Variants in PALS1 observed in about 807,000 individuals in gnomAD.
PALS1 encodes protein PALS1.
In PALS1, 31 loss-of-function variants were observed where a neutral mutation model predicts 78.9. That is an observed-to-expected ratio of 0.39 (90% CI 0.30 to 0.53). The LOEUF (loss-of-function observed/expected upper bound fraction) is 0.53, where lower values mean the gene tolerates loss of function less well. Among genes scored for constraint, PALS1 ranks in the 20% least tolerant of loss-of-function variants. PALS1 has a pLI of 0.67. For missense variants in PALS1, 704 were observed against 826.5 expected, an observed-to-expected ratio of 0.85 and a Z score of 1.82; for synonymous variants, 276 against 270.9, an observed-to-expected ratio of 1.02 and a Z score of -0.18.
intron 14 of PALS1, 56 bp from the exon 15 acceptor site, chr14:67,332,724 C>T (rs538951055): frequency 6.5e-7 from 1 of 1,528,874 alleles, no homozygotes; most frequent in African/African-American, 1.4e-5. Context: ...CTGACTCATC[C>T]TATATTATTT....
intron 3 of PALS1, among the ~76,000 whole-genome samples, chr14:67,284,621 A>C (rs2084656887): frequency 6.7e-6 from 1 of 149,196 alleles, no homozygotes; most frequent in African/African-American, 2.5e-5. Flanking sequence ...TATAATTCCA[A>C]AATATGTACC....
At chr14:67,304,721 T>C (rs970967367) in intron 8 of PALS1, among the ~76,000 whole-genome samples, 1 of 152,250 alleles carries the variant, frequency 6.6e-6, no homozygotes, top group African/African-American at 2.4e-5. Context: ...TTTGTGGTGA[T>C]AATTGTACAA....
intron 2 of PALS1, chr14:67,272,121 A>C (rs936311076): frequency 6.6e-6 from 1 of 152,040 alleles, no homozygotes; most frequent in Non-Finnish European, 1.5e-5. Flanking sequence ...CCAGGGGTAA[A>C]TAATTAAATT....
At chr14:67,291,719 A>C (rs1405894055) in intron 3 of PALS1, among the ~76,000 whole-genome samples, 3 of 152,242 alleles carry the variant, frequency 2.0e-5, no homozygotes, top group Non-Finnish European at 4.4e-5. Flanking sequence ...TCACATATTC[A>C]TTAGAGTTTT....
At chr14:67,331,409 A>G (rs2085447402) in intron 14 of PALS1, among the ~76,000 whole-genome samples, 1 of 151,992 alleles carries the variant, frequency 6.6e-6, no homozygotes, top group Non-Finnish European at 1.5e-5. Context: ...CAGATTTTCA[A>G]TTTTAACTCT....
chr14:67,242,465 T>C (rs1213422505), intron 1 of PALS1, among the ~76,000 whole-genome samples: 1 of 152,258 alleles, frequency 6.6e-6, no homozygotes, highest in Non-Finnish European at 1.5e-5. Context: ...AGCAATATCA[T>C]GTTTTAATGA....
chr14:67,244,399 TG>T (rs148049797), intron 1 of PALS1, among the ~76,000 whole-genome samples: 2,638 of 152,378 alleles, frequency 0.017, 35 homozygotes, highest in Non-Finnish European at 0.026. Context: ...TTCACATTCT[TG>T]CCCACACTGG....
At chr14:67,246,808 C>T (rs910513961) in intron 1 of PALS1, among the ~76,000 whole-genome samples, 31 of 152,156 alleles carry the variant, frequency 2.0e-4, no homozygotes, top group African/African-American at 6.5e-4. Flanking sequence ...CGCACCACCA[C>T]GCCCAGCTAA....
At chr14:67,266,847 T>G (rs935605333) in intron 1 of PALS1, among the ~76,000 whole-genome samples, 2 of 152,074 alleles carry the variant, frequency 1.3e-5, no homozygotes, top group East Asian at 1.9e-4. Context: ...CAGTGGCTCA[T>G]GCCTGTAATC....
At chr14:67,304,940 T>C (rs937723497) in intron 8 of PALS1, among the ~76,000 whole-genome samples, 1 of 152,350 alleles carries the variant, frequency 6.6e-6, no homozygotes, top group African/African-American at 2.4e-5. Context: ...ATCACAGGTA[T>C]GCTTTATAGT....
intron 2 of PALS1, among the ~76,000 whole-genome samples, chr14:67,275,453 C>G (rs2084487195): frequency 6.6e-6 from 1 of 152,214 alleles, no homozygotes; most frequent in African/African-American, 2.4e-5. Flanking sequence ...ACCAGCCTTG[C>G]ATCCCAGGGA....
At chr14:67,261,360 A>G (rs1446196372) in intron 1 of PALS1, among the ~76,000 whole-genome samples, 1 of 152,200 alleles carries the variant, frequency 6.6e-6, no homozygotes, top group African/African-American at 2.4e-5. Context: ...AGGTAGTGGC[A>G]TGAGAAGGGA....
intron 4 of PALS1, 58 bp from the exon 5 acceptor site, chr14:67,301,331 A>G: frequency 9.4e-7 from 1 of 1,058,702 alleles, no homozygotes; most frequent in Non-Finnish European, 1.4e-6. Context: ...CCCTGCATAC[A>G]GGTGCTACTG....
chr14:67,309,173 A>G (rs746333244), intron 8 of PALS1, among the ~76,000 whole-genome samples: 66 of 152,158 alleles, frequency 4.3e-4, no homozygotes, highest in Non-Finnish European at 8.5e-4. Flanking sequence ...GACCTTTCCT[A>G]TGAGGGTCAG....
intron 8 of PALS1, among the ~76,000 whole-genome samples, chr14:67,309,699 A>G (rs1317702513): frequency 6.6e-6 from 1 of 152,204 alleles, no homozygotes; most frequent in Non-Finnish European, 1.5e-5. Flanking sequence ...CTCTCAGGGT[A>G]GTAGTTCCCT....
chr14:67,273,986 A>G (rs2084457236), intron 2 of PALS1, among the ~76,000 whole-genome samples: 1 of 151,768 alleles, frequency 6.6e-6, no homozygotes, highest in East Asian at 1.9e-4. Context: ...TTTTTCTTGG[A>G]AATTTGTTTA....
chr14:67,244,539 C>A (rs2083957887), intron 1 of PALS1, among the ~76,000 whole-genome samples: 1 of 152,194 alleles, frequency 6.6e-6, no homozygotes, highest in Non-Finnish European at 1.5e-5. Flanking sequence ...ACAATTCCAA[C>A]TCAGAGAGCT....
intron 8 of PALS1, 130 bp downstream of exon 8, chr14:67,303,729 T>A: frequency 1.5e-6 from 1 of 686,484 alleles, no homozygotes; most frequent in Non-Finnish European, 2.5e-6. Context: ...TTTAAATAAA[T>A]ATGAAATATC....
At chr14:67,280,854 TC>T (rs1595581378) in intron 3 of PALS1, among the ~76,000 whole-genome samples, 70 of 100,922 alleles carry the variant, frequency 6.9e-4, no homozygotes, top group East Asian at 4.8e-3. Context: ...CTTCCTTCCT[TC>T]CCTCCCTCCC....
Sources: gnomAD v4.1 joint callset for allele counts (sites outside exome capture counted in the v4.1 genomes callset) on GRCh38, gnomAD v4.1.1 for gene constraint, MANE v1.5 for transcripts, NCBI Gene and HGNC (gene_info 2026-07-23, HGNC 2026-07-21) for gene names.